The following NPFFR1 variants were observed in gnomAD, a reference collection of about 807,000 sequenced individuals.
NPFFR1 encodes G-protein coupled receptor 147.
Under a neutral mutation model 12.7 loss-of-function variants are expected in NPFFR1, and 17 were observed. The ratio of observed to expected loss-of-function variants is 1.34; its 90% CI spans 0.92 to 2.01. The LOEUF is 2.01. NPFFR1 is among the 30% of genes most tolerant of loss of function. NPFFR1 has a pLI of 0.00. For synonymous variants in NPFFR1, 296 were observed against 264.5 expected (o/e 1.12, Z -1.16); for missense variants, 604 against 606.5 (o/e 1.00, Z 0.04).
chr10:70,280,275 G>A (rs10823511), intron 1 of NPFFR1, among the ~76,000 whole-genome samples: 48,750 of 152,068 alleles, frequency 0.32, 8,613 homozygotes, highest in South Asian at 0.47. Flanking sequence ...TGGTAATTCC[G>A]TTTTTAGCTT....
At chr10:70,282,675 C>T (rs1050925333) in intron 1 of NPFFR1, among the ~76,000 whole-genome samples, 5 of 152,180 alleles carry the variant, frequency 3.3e-5, no homozygotes, top group African/African-American at 9.7e-5. Flanking sequence ...CTCTCTGAAG[C>T]CAGCTGAATG....
Position 70,255,953 on chromosome 10 carries a change from G to A in NPFFR1, c.423-126C>T. The A allele has an allele frequency of 3.0e-6, 3 of 1,002,272 alleles. No individual in the cohort carries two copies. The highest frequency in any genetic ancestry group is 2.9e-6 in the Non-Finnish European group (2 of 693,206). The allele number at this position is 1,002,272 out of a possible 1,614,324, so 62.1% of individuals were successfully genotyped here. On this transcript the variant is annotated intron_variant, in intron 3 of 3. Transcript: ENST00000277942. This position sits in a 1 kb window ranked among gnomAD's most constrained non-coding sequence, Gnocchi z 4.2. The stretch of plus-strand genomic sequence containing the variant: ...TAGGGCGGCGTCGAAGAACAGCTCA[G>A]ACCTGAATTGGCTGAGTAGTCAAAG...
At chr10:70,269,775 C>A (rs1044759423) in intron 1 of NPFFR1, among the ~76,000 whole-genome samples, 1 of 152,110 alleles carries the variant, frequency 6.6e-6, no homozygotes, top group Admixed American at 6.6e-5. Flanking sequence ...CCTCCCAACC[C>A]TCATTGCATT....
chr10:70,266,092 C>G lies in NPFFR1; in HGVS notation c.307G>C (p.Asp103His). Residue 103 changes from aspartate (D) to histidine (H), a missense_variant, in exon 2 of 4, where the codon GAC becomes CAC. By Grantham distance (81) the Asp-to-His change is moderately conservative (BLOSUM62 -1). Coordinates refer to ENST00000277942, the MANE Select transcript of NPFFR1 (RefSeq NM_022146.5). ...CCGCACTCACCAGTGATGAGGTTGT[C>G]CACAAGGGTGGTGGGCATGCAGAAG... Reference protein sequence around the residue: ...GIFCMPTTLVDNLITGWPFDN... With the variant: ...GIFCMPTTLVHNLITGWPFDN... The G allele has an allele frequency of 6.2e-7, 1 of 1,613,832 alleles. No homozygotes were observed. Among genetic ancestry groups the G allele is most frequent in the South Asian group, 1.1e-5 (1 of 91,022 alleles).
In NPFFR1 at chr10:70,263,976, G is replaced by A. The variant is rs1212523442; in HGVS notation, c.322+2101C>T. ...AAAATAGAAAAATTAGCCATTGGTG[G>A]TGGCACATGCCTGTAGTCCCAGGAC... On this transcript the variant is annotated intron_variant, in intron 2 of 3. Coordinates refer to ENST00000277942, the MANE Select transcript of NPFFR1 (RefSeq NM_022146.5). Among the ~76,000 whole-genome samples, 3 of 152,040 alleles carry A rather than the reference G, an allele frequency of 2.0e-5. No homozygotes were observed. The South Asian group carries it at 6.2e-4, about 32-fold the overall frequency.
At chr10:70,266,441 A>G in intron 1 of NPFFR1, 50 bp from the exon 2 acceptor site, 1 of 1,453,718 alleles carries the variant, frequency 6.9e-7, no homozygotes, top group Non-Finnish European at 9.4e-7. Flanking sequence ...AGAAGAGATT[A>G]CCGATTTCTC....
At chr10:70,270,709 C>T (rs184622410) in intron 1 of NPFFR1, among the ~76,000 whole-genome samples, 9 of 152,328 alleles carry the variant, frequency 5.9e-5, no homozygotes, top group Non-Finnish European at 1.3e-4. Context: ...AGGCCTCCCA[C>T]CCCATCTGGG....
chr10:70,274,340 T>G (rs1840779400), intron 1 of NPFFR1, among the ~76,000 whole-genome samples: 1 of 152,074 alleles, frequency 6.6e-6, no homozygotes, highest in African/African-American at 2.4e-5. Context: ...TCCCAGCCAC[T>G]TGGGAGGCTG....
At position 70,248,467 on chromosome 10, in the gene NPFFR1, G is replaced by GTTTTGTTTT. The variant is rs1840473363; in HGVS notation, c.*6489_*6490insAAAACAAAA. 1.0e-5 allele frequency: 1 copy of GTTTTGTTTT among 96,742 alleles called. No individual in the cohort carries two copies. The highest frequency in any genetic ancestry group is 4.0e-5 in the African/African-American group (1 of 24,706). 6.0% of individuals were successfully genotyped at this position (96,742 alleles called of 1,614,324 possible). On this transcript the variant is annotated 3_prime_UTR_variant, in exon 4 of 4. Transcript: ENST00000277942. ...CAAAGTACGTAGTACTATGCCTGGC[G>GTTTTGTTTT]TTTTTTTTTTGTTTTTTGTTTTTTT...
chr10:70,257,451 C>T (rs1033083300), intron 3 of NPFFR1, among the ~76,000 whole-genome samples: 2 of 152,174 alleles, frequency 1.3e-5, no homozygotes, highest in African/African-American at 4.8e-5. Context: ...TGTTTACAAA[C>T]AGTATACTTG....
chr10:70,264,546 A>G (rs1199259979), intron 2 of NPFFR1, among the ~76,000 whole-genome samples: 2 of 152,190 alleles, frequency 1.3e-5, no homozygotes, highest in Non-Finnish European at 2.9e-5. Context: ...TTATTTATTA[A>G]TATGGGATAA....
At chr10:70,272,712 G>T (rs1840763145) in intron 1 of NPFFR1, among the ~76,000 whole-genome samples, 1 of 152,176 alleles carries the variant, frequency 6.6e-6, no homozygotes, top group South Asian at 2.1e-4. Context: ...GTAGGGAGGG[G>T]TGCAGGGTGA....
chr10:70,279,495 T>C (rs1306099594), intron 1 of NPFFR1, among the ~76,000 whole-genome samples: 2 of 152,242 alleles, frequency 1.3e-5, no homozygotes, highest in East Asian at 3.9e-4. Context: ...AGTCTTGCTC[T>C]GTCGCCCAGG....
chr10:70,275,652 A>G (rs911083784), intron 1 of NPFFR1, among the ~76,000 whole-genome samples: 9 of 152,210 alleles, frequency 5.9e-5, no homozygotes, highest in African/African-American at 2.2e-4. Flanking sequence ...GTTCAGCTTG[A>G]AATGCTCCTC....
intron 1 of NPFFR1, among the ~76,000 whole-genome samples, chr10:70,267,474 A>G (rs1279707844): frequency 1.3e-5 from 2 of 152,160 alleles, no homozygotes; most frequent in Non-Finnish European, 2.9e-5. Flanking sequence ...GCTTCATTTG[A>G]AATGGAGGTC....
At chr10:70,268,867 G>A (rs969330446) in intron 1 of NPFFR1, among the ~76,000 whole-genome samples, 2 of 152,186 alleles carry the variant, frequency 1.3e-5, no homozygotes, top group Admixed American at 6.5e-5. Flanking sequence ...AGGAAGAAAA[G>A]CAATATAGCA....
In NPFFR1 at chr10:70,248,363, T is replaced by A. The variant is rs992133374; in HGVS notation, c.*6594A>T. On this transcript the variant is annotated 3_prime_UTR_variant, in exon 4 of 4. Transcript: ENST00000277942. ...TGCACCAGGCAATATCCTACCTGAA[T>A]CCACAAAGGTAAGTGAAATAGACAT... 6.6e-6 allele frequency: 1 copy of A among 151,704 alleles called. No individual in the cohort carries two copies. The highest frequency in any genetic ancestry group is 1.9e-4 in the East Asian group (1 of 5,182). 9.4% of individuals were successfully genotyped at this position (151,704 alleles called of 1,614,324 possible).
Position 70,255,053 on chromosome 10 carries a change from G to A in NPFFR1, c.1197C>T (p.Leu399=). The change falls in exon 4 of 4, where the codon CTC becomes CTT. Residue 399 remains leucine, a synonymous_variant. Transcript: ENST00000277942. The surrounding 1 kb of genome is among the most constrained non-coding windows in gnomAD (Gnocchi z 4.2). ...PSSGAPRPGR[L]PLRNGRVAHH... ...GAGCCACCCGCCCATTCCGCAGCGGGAGGCGGCCGGGCCTGGGGGCCCCAC... is the reference window on the plus strand; with the variant it reads ...GAGCCACCCGCCCATTCCGCAGCGGAAGGCGGCCGGGCCTGGGGGCCCCAC... The A allele has an allele frequency of 2.1e-6, 3 of 1,437,516 alleles. No individual in the cohort carries two copies. Among genetic ancestry groups the A allele is most frequent in the Non-Finnish European group, 2.7e-6 (3 of 1,102,578 alleles). The allele number at this position is 1,437,516 out of a possible 1,614,324, so 89.0% of individuals were successfully genotyped here.
At chr10:70,270,142 G>A (rs1334502176) in intron 1 of NPFFR1, among the ~76,000 whole-genome samples, 2 of 152,170 alleles carry the variant, frequency 1.3e-5, no homozygotes, top group Non-Finnish European at 2.9e-5. Context: ...TCAGCATCTT[G>A]TCAGTGCCTG....
Sources: allele counts gnomAD v4.1 joint callset (sites outside exome capture counted in the v4.1 genomes callset), GRCh38; gene constraint gnomAD v4.1.1; non-coding constraint Gnocchi (gnomAD v3.1); transcripts MANE v1.5; gene names NCBI Gene and HGNC (gene_info 2026-07-23, HGNC 2026-07-21).